The following SCARA3 variants were observed in gnomAD, a reference collection of about 807,000 sequenced individuals.
SCARA3 encodes the protein scavenger receptor class A member 3.
A neutral mutation model predicts 47.0 loss-of-function variants in SCARA3; 39 were observed. That is an observed-to-expected ratio of 0.83 (90% CI 0.64 to 1.08). The LOEUF is 1.08. Among genes scored for constraint, SCARA3 ranks in the 50% least tolerant of loss-of-function variants. SCARA3 has a pLI of 0.00. For missense variants in SCARA3, 724 were observed against 792.3 expected (o/e 0.91, Z 1.04); for synonymous variants, 356 against 334.1 (o/e 1.07, Z -0.71).
chr8:27,693,998 G>A, the SCARA3 span, among the ~76,000 whole-genome samples: 1 of 152,130 alleles, frequency 6.6e-6, no homozygotes, highest in Admixed American at 6.5e-5. Context: ...ACCACTTTGG[G>A]CACAAGTCAT....
the SCARA3 span, among the ~76,000 whole-genome samples, chr8:27,689,479 C>T: frequency 6.6e-6 from 1 of 152,250 alleles, no homozygotes; most frequent in African/African-American, 2.4e-5. Flanking sequence ...ATGCACTGAG[C>T]GGTGACCCAC....
the SCARA3 span, among the ~76,000 whole-genome samples, chr8:27,731,253 C>T: frequency 2.0e-5 from 3 of 151,368 alleles, no homozygotes; most frequent in Non-Finnish European, 4.4e-5. Flanking sequence ...GAATGCCTAG[C>T]TAATTTTTAT....
chr8:27,734,020 AG>A, the SCARA3 span: 1 of 152,278 alleles, frequency 6.6e-6, no homozygotes, highest in Non-Finnish European at 1.5e-5. Context: ...CTGTGCTTCA[AG>A]AACGAGTTAA....
At chr8:27,724,267 T>C in the SCARA3 span, among the ~76,000 whole-genome samples, 1 of 152,238 alleles carries the variant, frequency 6.6e-6, no homozygotes, top group African/African-American at 2.4e-5. Flanking sequence ...GAAGACGCCA[T>C]AAATATATTT....
rs1187451997 is a variant in SCARA3 at position 27,649,685 on chromosome 8, C to T, written c.8-17C>T. ...CCTGGGATGGCTTTGGGTCTGACGG[C>T]ACTGGCTTCATTATAGTGAGGTCGG... On this transcript the variant is annotated splice_polypyrimidine_tract_variant and intron_variant, in intron 1 of 5. Transcript: ENST00000301904. 6.2e-7 allele frequency: 1 copy of T among 1,612,392 alleles called. No homozygotes were observed. Among genetic ancestry groups the T allele is most frequent in the African/African-American group, 1.3e-5 (1 of 74,912 alleles).
At chr8:27,722,732 A>T in the SCARA3 span, among the ~76,000 whole-genome samples, 1 of 151,626 alleles carries the variant, frequency 6.6e-6, no homozygotes, top group Non-Finnish European at 1.5e-5. Context: ...TCTCCTATCC[A>T]TCTCCCCTCA....
At chr8:27,723,117 G>A in the SCARA3 span, among the ~76,000 whole-genome samples, 2 of 152,048 alleles carry the variant, frequency 1.3e-5, no homozygotes, top group African/African-American at 4.8e-5. Context: ...CCCCAATCAC[G>A]TTACTTGTCC....
chr8:27,729,439 C>T, the SCARA3 span, among the ~76,000 whole-genome samples: 1 of 152,198 alleles, frequency 6.6e-6, no homozygotes, highest in Non-Finnish European at 1.5e-5. Flanking sequence ...TATTCCTCAT[C>T]TCCCAGTGGG....
At chr8:27,686,279 A>G in the SCARA3 span, among the ~76,000 whole-genome samples, 3 of 152,000 alleles carry the variant, frequency 2.0e-5, no homozygotes, top group South Asian at 4.2e-4. Context: ...CTTCTCTACA[A>G]AAAAGGAAAA....
At chr8:27,726,708 AT>A in the SCARA3 span, among the ~76,000 whole-genome samples, 1 of 152,200 alleles carries the variant, frequency 6.6e-6, no homozygotes, top group African/African-American at 2.4e-5. Context: ...CTCAAAAAAA[AT>A]AAAAAATAAA....
chr8:27,675,353 TG>T (rs959031521), downstream of SCARA3, among the ~76,000 whole-genome samples: 1 of 152,256 alleles, frequency 6.6e-6, no homozygotes, highest in African/African-American at 2.4e-5. Flanking sequence ...TAGGCTGGGC[TG>T]GCAAGCCTTG....
chr8:27,660,046 T>C (rs1489412325), intron 5 of SCARA3, among the ~76,000 whole-genome samples: 3 of 151,914 alleles, frequency 2.0e-5, no homozygotes, highest in Non-Finnish European at 4.4e-5. Flanking sequence ...TTGAAAACTG[T>C]CTCCTCTTTT....
At chr8:27,695,508 G>A in the SCARA3 span, among the ~76,000 whole-genome samples, 1 of 152,036 alleles carries the variant, frequency 6.6e-6, no homozygotes, top group Non-Finnish European at 1.5e-5. Flanking sequence ...CTAACTATAG[G>A]AAAAATAAAC....
At chr8:27,667,074 C>T (rs1292605523) in intron 5 of SCARA3, among the ~76,000 whole-genome samples, 1 of 152,178 alleles carries the variant, frequency 6.6e-6, no homozygotes, top group African/African-American at 2.4e-5. Context: ...CAGCCACTAG[C>T]CCTTCTCTAG....
intron 1 of SCARA3, among the ~76,000 whole-genome samples, chr8:27,647,245 T>G (rs889473041): frequency 6.6e-6 from 1 of 152,154 alleles, no homozygotes; most frequent in African/African-American, 2.4e-5. Context: ...CACACACATG[T>G]GCACACATAC....
chr8:27,686,598 A>G, the SCARA3 span, among the ~76,000 whole-genome samples: 2 of 151,918 alleles, frequency 1.3e-5, no homozygotes, highest in Non-Finnish European at 2.9e-5. Context: ...TGCTGGTTCA[A>G]CCATCTACAC....
intron 1 of SCARA3, among the ~76,000 whole-genome samples, chr8:27,637,531 G>A (rs1039335691): frequency 6.6e-6 from 1 of 152,178 alleles, no homozygotes; most frequent in African/African-American, 2.4e-5. Flanking sequence ...GTCCTCCTGG[G>A]TGGTCCCTGA....
At chr8:27,659,660 A>C in intron 5 of SCARA3, 121 bp downstream of exon 5, 1 of 788,796 alleles carries the variant, frequency 1.3e-6, no homozygotes, top group Non-Finnish European at 2.0e-6. Flanking sequence ...TCCTATAGCA[A>C]ATGCCTACAG....
intron 1 of SCARA3, among the ~76,000 whole-genome samples, chr8:27,648,440 T>C (rs34547896): frequency 0.072 from 10,896 of 152,108 alleles, 544 homozygotes; most frequent in Non-Finnish European, 0.11. Context: ...TCGTTTCTAC[T>C]AAAAATACAA....
Sources: gnomAD v4.1 joint callset for allele counts (sites outside exome capture counted in the v4.1 genomes callset) on GRCh38, gnomAD v4.1.1 for gene constraint, MANE v1.5 for transcripts, NCBI Gene and HGNC (gene_info 2026-07-23, HGNC 2026-07-21) for gene names.